Variants in FMNL2 observed in about 807,000 individuals in gnomAD.
The protein encoded by FMNL2 is formin-like protein 2.
A neutral mutation model predicts 130.2 loss-of-function variants in FMNL2; 51 were observed. The ratio of observed to expected loss-of-function variants is 0.39; its 90% CI spans 0.31 to 0.49. The LOEUF is 0.49. FMNL2 is among the 20% of genes least tolerant of loss of function. The pLI is 0.85. For synonymous variants in FMNL2, 465 were observed against 467.1 expected, an observed-to-expected ratio of 1.00 and a Z score of 0.06; for missense variants, 977 against 1,316.2, an observed-to-expected ratio of 0.74 and a Z score of 3.99.
chr2:152,610,323 C>T (rs1366933088), intron 10 of FMNL2, among the ~76,000 whole-genome samples: 1 of 151,920 alleles, frequency 6.6e-6, no homozygotes, highest in Non-Finnish European at 1.5e-5. Flanking sequence ...ATTAACATAC[C>T]ATCAGATTCA....
chr2:152,637,762 C>T (rs1032748204), intron 23 of FMNL2, 88 bp downstream of exon 23: 8 of 1,186,224 alleles, frequency 6.7e-6, no homozygotes, highest in Admixed American at 1.9e-5. Context: ...GCAGAGGCCT[C>T]CCAGTTCCTG....
chr2:152,595,716 G>A (rs1697728123), intron 9 of FMNL2, among the ~76,000 whole-genome samples: 1 of 152,070 alleles, frequency 6.6e-6, no homozygotes, highest in South Asian at 2.1e-4. Flanking sequence ...AGGAATGTGT[G>A]TTCTATATAT....
chr2:152,591,408 A>T (rs1163928905), intron 9 of FMNL2, among the ~76,000 whole-genome samples: 1 of 152,154 alleles, frequency 6.6e-6, no homozygotes, highest in Non-Finnish European at 1.5e-5. Context: ...TTTCTTCAAA[A>T]CTGTGAAACA....
chr2:152,589,940 C>CATACATATATATATATATAT (rs1697295819), intron 9 of FMNL2, among the ~76,000 whole-genome samples: 2 of 67,042 alleles, frequency 3.0e-5, no homozygotes, highest in Non-Finnish European at 5.5e-5. Context: ...TGGCTTTATA[C>CATACATATATATATATATAT]ATATATATAT....
intron 1 of FMNL2, among the ~76,000 whole-genome samples, chr2:152,435,714 A>T (rs76179971): frequency 0.015 from 2,333 of 152,324 alleles, 20 homozygotes; most frequent in South Asian, 0.053. Context: ...GGTGGGATTG[A>T]CAGATATAGC....
Position 152,544,967 on chromosome 2 carries a change from G to T in FMNL2, c.282+2148G>T, listed in dbSNP as rs958112434. Among the ~76,000 whole-genome samples, 5 of 152,224 alleles carry T rather than the reference G, an allele frequency of 3.3e-5. 1 individual carries two copies. Among genetic ancestry groups the T allele is most frequent in the African/African-American group, 1.2e-4 (5 of 41,462 alleles). ...AATAATAAACTGGAGCAGGACATAA[G>T]ATGTCTGTTTGGGCCTTCATTCCCG... On this transcript the variant is annotated intron_variant, in intron 3 of 25. Transcript: ENST00000288670.
At chr2:152,347,813 C>T (rs1682212735) in intron 1 of FMNL2, among the ~76,000 whole-genome samples, 1 of 152,192 alleles carries the variant, frequency 6.6e-6, no homozygotes, top group South Asian at 2.1e-4. Flanking sequence ...GTTGGTCTCT[C>T]TTCTTTTCTC....
Position 152,640,055 on chromosome 2 carries a change from A to T in FMNL2, c.3044A>T (p.Lys1015Met). 1 of 1,549,826 alleles carries T rather than the reference A, an allele frequency of 6.5e-7. No homozygotes were observed. The highest frequency in any genetic ancestry group is 8.7e-7 in the Non-Finnish European group (1 of 1,147,020). The stretch of plus-strand genomic sequence containing the variant: ...GCTCTGATGGAGCAGCAGGATCCAA[A>T]GGTAAGAAGTGCCGCACTCATGAGA... ...QEALMEQQDP[K>M]SPSHKSKRQQ... The change falls in exon 24 of 26, where the codon AAG becomes ATG. Residue 1015 changes from lysine (K) to methionine (M), a missense_variant and splice_region_variant. By Grantham distance (95) the Lys-to-Met change is moderately conservative. Coordinates refer to ENST00000288670, the MANE Select transcript of FMNL2 (RefSeq NM_052905.4).
At chr2:152,501,137 C>A (rs1007862662) in intron 1 of FMNL2, among the ~76,000 whole-genome samples, 1 of 152,166 alleles carries the variant, frequency 6.6e-6, no homozygotes, top group Non-Finnish European at 1.5e-5. Flanking sequence ...TTCTTTGTGC[C>A]CTTATGCCCT....
intron 1 of FMNL2, among the ~76,000 whole-genome samples, chr2:152,447,052 A>T (rs1054062720): frequency 7.2e-5 from 11 of 151,938 alleles, no homozygotes; most frequent in Admixed American, 3.3e-4. Flanking sequence ...AGAAGAGTTT[A>T]AAAAAAAGAG....
chr2:152,635,846 A>G (rs988216045), intron 21 of FMNL2, among the ~76,000 whole-genome samples: 2 of 152,204 alleles, frequency 1.3e-5, no homozygotes, highest in African/African-American at 4.8e-5. Flanking sequence ...CAACCGACAA[A>G]AGGCTGCCCC....
intron 1 of FMNL2, among the ~76,000 whole-genome samples, chr2:152,413,459 C>A (rs1686432062): frequency 6.6e-6 from 1 of 152,130 alleles, no homozygotes; most frequent in Non-Finnish European, 1.5e-5. Context: ...TTACTGCTAA[C>A]CAAACAGTAG....
chr2:152,386,052 G>A (rs992108082), intron 1 of FMNL2, among the ~76,000 whole-genome samples: 1 of 152,192 alleles, frequency 6.6e-6, no homozygotes, highest in Non-Finnish European at 1.5e-5. Flanking sequence ...CCTTTCTTGG[G>A]AGCTTTAAAC....
Position 152,335,504 on chromosome 2 carries a change from G to C in FMNL2, c.-100G>C. On this transcript the variant is annotated 5_prime_UTR_variant, in exon 1 of 26. Transcript: ENST00000288670. ...CGGCGGAGGGCGGGGAGCCGGGCAG[G>C]TCGCGCCTGCGGGCGGCAGCCGACC... The C allele has an allele frequency of 1.2e-6, 1 of 859,054 alleles. No homozygotes were observed. The highest frequency in any genetic ancestry group is 1.7e-6 in the Non-Finnish European group (1 of 598,738). The allele number at this position is 859,054 out of a possible 1,614,324, so 53.2% of individuals were successfully genotyped here. A position where few individuals can be genotyped will look rare whatever the true frequency, so the allele number is the denominator to read the frequency against.
chr2:152,346,858 G>T (rs1384361671), intron 1 of FMNL2, among the ~76,000 whole-genome samples: 1 of 152,060 alleles, frequency 6.6e-6, no homozygotes, highest in African/African-American at 2.4e-5. Context: ...TTGGGAGGCC[G>T]AGGTGGGCAG....
chr2:152,430,054 CAAA>C (rs974946879), intron 1 of FMNL2, among the ~76,000 whole-genome samples: 2 of 152,104 alleles, frequency 1.3e-5, no homozygotes, highest in Non-Finnish European at 2.9e-5. Context: ...AACTTAAAAA[CAAA>C]AAACAAACCA....
At chr2:152,457,937 T>G (rs1006183270) in intron 1 of FMNL2, among the ~76,000 whole-genome samples, 1 of 152,226 alleles carries the variant, frequency 6.6e-6, no homozygotes, top group Non-Finnish European at 1.5e-5. Context: ...CCCCAGTTTT[T>G]TGGCTACAAC....
chr2:152,367,742 T>C lies in FMNL2; in HGVS notation c.117+32022T>C, dbSNP rs60836723. Among the ~76,000 whole-genome samples the C allele has an allele frequency of 5.3e-3, 812 of 152,296 alleles. 9 individuals are homozygous for C. Among genetic ancestry groups the C allele is most frequent in the African/African-American group, 0.019 (772 of 41,540 alleles). On this transcript the variant is annotated intron_variant, in intron 1 of 25. Coordinates refer to ENST00000288670, the MANE Select transcript of FMNL2 (RefSeq NM_052905.4). The stretch of plus-strand genomic sequence containing the variant: ...TGCATTCTGGTATTTTTCAGTGTTT[T>C]CTTGTGATTTTCATCTTTAAGCTAA...
intron 2 of FMNL2, among the ~76,000 whole-genome samples, chr2:152,537,031 A>G (rs968819838): frequency 2.0e-5 from 3 of 151,720 alleles, no homozygotes; most frequent in Admixed American, 6.6e-5. Flanking sequence ...AAGGCTTTCA[A>G]TGACAAACTC....
Sources: allele counts gnomAD v4.1 joint callset (sites outside exome capture counted in the v4.1 genomes callset), GRCh38; gene constraint gnomAD v4.1.1; transcripts MANE v1.5; gene names NCBI Gene and HGNC (gene_info 2026-07-23, HGNC 2026-07-21).